Variants in RYR1 observed in about 807,000 individuals in gnomAD.
RYR1 encodes ryanodine receptor 1.
In RYR1, 342 loss-of-function variants were observed where a neutral mutation model predicts 583.5. The ratio of observed to expected loss-of-function variants is 0.59; its 90% CI spans 0.54 to 0.64. The LOEUF is 0.64. Among genes scored for constraint, RYR1 ranks in the 30% least tolerant of loss-of-function variants. RYR1 has a pLI of 0.00. For missense variants in RYR1, 6,032 were observed against 6,917.2 expected (o/e 0.87, Z 4.54); for synonymous variants, 2,791 against 2,822.5 (o/e 0.99, Z 0.35).
At chr19:38,573,097 C>T in intron 95 of RYR1, 80 bp from the exon 96 acceptor site, 2 of 1,601,734 alleles carry the variant, frequency 1.2e-6, no homozygotes, top group Non-Finnish European at 8.5e-7. Context: ...CAGACCCCAG[C>T]AAGATGTCAT....
chr19:38,564,136 T>A (rs574387921), intron 90 of RYR1, among the ~76,000 whole-genome samples: 2 of 152,272 alleles, frequency 1.3e-5, no homozygotes, highest in South Asian at 2.1e-4. Flanking sequence ...CCCAGCACTT[T>A]GGGAGGCCAA....
rs1013550395 is a variant in RYR1 at position 38,528,537 on chromosome 19, A to G, written c.10938-62A>G. The G allele has an allele frequency of 5.0e-6, 8 of 1,601,378 alleles. No homozygotes were observed. The Admixed American group carries it at 6.7e-5, about 13-fold the overall frequency. ...GAGGGTGGTTGGGGGCTGCAGGCGC[A>G]TGGGAGGTCGGGAAGCACGGAGGAG... On this transcript the variant is annotated intron_variant, in intron 74 of 105. Coordinates refer to ENST00000359596, the MANE Select transcript of RYR1 (RefSeq NM_000540.3).
chr19:38,544,404 A>ACTTAATCCATTTGC (rs1338549085), intron 87 of RYR1, among the ~76,000 whole-genome samples: 2 of 152,128 alleles, frequency 1.3e-5, no homozygotes, highest in South Asian at 4.1e-4. Context: ...TCTCACGAAC[A>ACTTAATCCATTTGC]CTTAATCCAT....
At chr19:38,539,049 G>C (rs1377360954) in intron 84 of RYR1, among the ~76,000 whole-genome samples, 1 of 152,122 alleles carries the variant, frequency 6.6e-6, no homozygotes, top group Non-Finnish European at 1.5e-5. Context: ...TACTTCCATA[G>C]AACCTTCACC....
chr19:38,556,207 G>A (rs888691860), intron 89 of RYR1, among the ~76,000 whole-genome samples: 3 of 151,928 alleles, frequency 2.0e-5, no homozygotes, highest in Non-Finnish European at 4.4e-5. Context: ...AAGAGGACCG[G>A]CATGGTGGCT....
rs2145681468 is a variant in RYR1 at position 38,517,349 on chromosome 19, TGTACCCCAGTCCTGGGGCTCCCCAACA to T, written c.9686-7_9705del. ...GCTTGACATTCCCTGCCCCCGTCCC[TGTACCCCAGTCCTGGGGCTCCCCAACA>T]GTGTGGAGGAGATGTGTCCCGACAT... On this transcript the variant is annotated splice_acceptor_variant and splice_polypyrimidine_tract_variant and coding_sequence_variant and intron_variant, in exon 66 of 106. Transcript: ENST00000359596. LOFTEE classifies it high-confidence loss of function. 1.2e-6 allele frequency: 2 copies of T among 1,612,402 alleles called. No individual in the cohort carries two copies. Among genetic ancestry groups the T allele is most frequent in the Non-Finnish European group, 1.7e-6 (2 of 1,179,888 alleles).
At chr19:38,547,356 T>G (rs1456010002) in intron 88 of RYR1, among the ~76,000 whole-genome samples, 1 of 151,902 alleles carries the variant, frequency 6.6e-6, no homozygotes, top group African/African-American at 2.4e-5. Context: ...CAGCCTACAT[T>G]AAAATTTAAA....
rs932480729 is a variant in RYR1 at position 38,565,312 on chromosome 19, C to T, written c.12978C>T (p.Arg4326=). ...GGCGGCTGCGGCGGCTTACGGCCCG[C>T]GAGGCGGCCACCGCAGTGGCGGCGC... The part of the protein sequence containing the change: ...RVRRLRRLTA[R]EAATAVAALL... Residue 4326 remains arginine, a synonymous_variant, in exon 91 of 106, where the codon CGC becomes CGT. Coordinates refer to ENST00000359596, the MANE Select transcript of RYR1 (RefSeq NM_000540.3). This position sits in a 1 kb window ranked among gnomAD's most constrained non-coding sequence, Gnocchi z 4.7. 13 of 1,134,784 alleles carry T rather than the reference C, an allele frequency of 1.1e-5. No homozygotes were observed. The African/African-American group carries it at 2.2e-4, about 19-fold the overall frequency. 70.3% of individuals were successfully genotyped at this position (1,134,784 alleles called of 1,614,324 possible). A position where few individuals can be genotyped will look rare whatever the true frequency, so the allele number is the denominator to read the frequency against.
intron 94 of RYR1, 69 bp from the exon 95 acceptor site, chr19:38,571,950 G>A (rs542349830): frequency 1.2e-5 from 19 of 1,610,204 alleles, no homozygotes; most frequent in Admixed American, 1.0e-4. Context: ...TCTCGGGAAT[G>A]GAGGCTCAAT....
chr19:38,582,166 G>A (rs1185145464), intron 101 of RYR1, among the ~76,000 whole-genome samples: 3 of 152,130 alleles, frequency 2.0e-5, no homozygotes, highest in Admixed American at 2.0e-4. Context: ...GGGGGGCTGA[G>A]GGGGGCAGAT....
rs759389300 is a variant in RYR1 at position 38,444,680 on chromosome 19, G to A, written c.631+3G>A. Reference sequence around the variant, plus strand: ...CATCTGCTCCCGCTGCGAAGAGGGTGAGGGCCCCAGACCTCCCCCTAAATG... The same window carrying A: ...CATCTGCTCCCGCTGCGAAGAGGGTAAGGGCCCCAGACCTCCCCCTAAATG... On this transcript the variant is annotated splice_donor_region_variant and intron_variant, in intron 7 of 105. Transcript: ENST00000359596. This position sits in a 1 kb window ranked among gnomAD's most constrained non-coding sequence, Gnocchi z 5.1. 6.2e-7 allele frequency: 1 copy of A among 1,609,040 alleles called. No homozygotes were observed. The highest frequency in any genetic ancestry group is 1.3e-5 in the African/African-American group (1 of 74,448).
At chr19:38,471,744 T>C (rs1968430677) in intron 27 of RYR1, among the ~76,000 whole-genome samples, 1 of 151,410 alleles carries the variant, frequency 6.6e-6, no homozygotes, top group East Asian at 1.9e-4. Context: ...CTTCTAAAAA[T>C]ACAAAAAATT....
At chr19:38,528,510 T>A in intron 74 of RYR1, 89 bp from the exon 75 acceptor site, 1 of 1,589,564 alleles carries the variant, frequency 6.3e-7, no homozygotes. Flanking sequence ...TGATGGGGCC[T>A]TGAGGGTGGT....
intron 64 of RYR1, among the ~76,000 whole-genome samples, chr19:38,515,743 A>G (rs73031001): frequency 0.096 from 14,584 of 152,146 alleles, 838 homozygotes; most frequent in South Asian, 0.24. Context: ...CTCCAGCCTG[A>G]GCAGCATAGG....
intron 90 of RYR1, among the ~76,000 whole-genome samples, chr19:38,563,818 C>T (rs1037559420): frequency 6.6e-6 from 1 of 152,248 alleles, no homozygotes; most frequent in Non-Finnish European, 1.5e-5. Flanking sequence ...AAGCTAAACA[C>T]ATCCATTCTG....
At chr19:38,548,151 C>T in intron 88 of RYR1, 82 bp from the exon 89 acceptor site, 2 of 1,487,554 alleles carry the variant, frequency 1.3e-6, no homozygotes, top group Non-Finnish European at 1.9e-6. Flanking sequence ...CGTGGTGGCT[C>T]CTGGGCTGGA....
intron 90 of RYR1, among the ~76,000 whole-genome samples, chr19:38,562,423 A>C (rs906607287): frequency 2.7e-5 from 4 of 150,378 alleles, no homozygotes; most frequent in Non-Finnish European, 5.9e-5. Context: ...CCCTCACCTC[A>C]TTCTCTTGCA....
intron 16 of RYR1, 134 bp downstream of exon 16, chr19:38,455,885 T>C: frequency 1.4e-6 from 1 of 708,992 alleles, no homozygotes; most frequent in Admixed American, 2.0e-5. Context: ...TCCCACTGGC[T>C]TTCATCTCCA....
rs780420316 is a variant in RYR1 at position 38,489,231 on chromosome 19, C to A, written c.5602C>A (p.Pro1868Thr). The change falls in exon 35 of 106, where the codon CCT becomes ACT. Residue 1868 changes from proline (P) to threonine (T), a missense_variant. Coordinates refer to ENST00000359596, the MANE Select transcript of RYR1 (RefSeq NM_000540.3). ...DVKQILKMIE[P>T]EVFTEEEEEE... ...GAAACAGATCTTGAAGATGATTGAG[C>A]CTGAGGTCTTCACTGAGGAAGAAGA... 2.5e-6 allele frequency: 4 copies of A among 1,613,390 alleles called. No homozygotes were observed. The highest frequency in any genetic ancestry group is 2.2e-5 in the East Asian group (1 of 44,872).
Sources: allele counts gnomAD v4.1 joint callset (sites outside exome capture counted in the v4.1 genomes callset), GRCh38; gene constraint gnomAD v4.1.1; non-coding constraint Gnocchi (gnomAD v3.1); transcripts MANE v1.5; gene names NCBI Gene and HGNC (gene_info 2026-07-23, HGNC 2026-07-21).